PCDH18: variants seen among roughly 807,000 people sequenced by gnomAD.
PCDH18 encodes protocadherin-18.
In PCDH18, 38 loss-of-function variants were observed where a neutral mutation model predicts 71.5. That is an observed-to-expected ratio of 0.53 (90% confidence interval 0.41 to 0.70). The LOEUF is 0.70. Among genes scored for constraint, PCDH18 ranks in the 30% least tolerant of loss-of-function variants. The pLI is 0.00. For missense variants in PCDH18, 1,334 were observed against 1,384.6 expected, an observed-to-expected ratio of 0.96 and a Z score of 0.58; for synonymous variants, 565 against 505.4, an observed-to-expected ratio of 1.12 and a Z score of -1.58.
chr4:137,522,948 T>A (rs1731342988), intron 3 of PCDH18, among the ~76,000 whole-genome samples: 1 of 152,184 alleles, frequency 6.6e-6, no homozygotes, highest in South Asian at 2.1e-4. Flanking sequence ...GTAATGGTCT[T>A]TGATTGAAGG....
chr4:137,527,562 T>A (rs1258305651), intron 3 of PCDH18, among the ~76,000 whole-genome samples: 1 of 152,218 alleles, frequency 6.6e-6, no homozygotes, highest in African/African-American at 2.4e-5. Flanking sequence ...TAAACTCTCT[T>A]ACTTATCTGT....
At chr4:137,521,984 G>A (rs140508616) in intron 3 of PCDH18, among the ~76,000 whole-genome samples, 5 of 152,066 alleles carry the variant, frequency 3.3e-5, no homozygotes, top group African/African-American at 1.2e-4. Context: ...TAAAGTATAC[G>A]TGGGAAGAAC....
chr4:137,521,599 G>A lies in PCDH18; in HGVS notation c.2838C>T (p.Asn946=). The A allele has an allele frequency of 1.2e-6, 2 of 1,613,960 alleles. No homozygotes were observed. The highest frequency in any genetic ancestry group is 1.7e-6 in the Non-Finnish European group (2 of 1,179,992). ...LPSPSSDYRS[N]MFIPGEEFPT... ...GGAATTCTTCCCCTGGAATGAACATGTTACTCCTATAATCAGAAGACGGTG... is the reference window on the plus strand; with the variant it reads ...GGAATTCTTCCCCTGGAATGAACATATTACTCCTATAATCAGAAGACGGTG... The change falls in exon 4 of 4, where the codon AAC becomes AAT. Residue 946 remains asparagine, a synonymous_variant. Transcript: ENST00000344876.
rs561574503 is a variant in PCDH18 at position 137,525,115 on chromosome 4, T to A, written c.2740+3363A>T. On this transcript the variant is annotated intron_variant, in intron 3 of 3. Transcript: ENST00000344876. Reference sequence around the variant, plus strand: ...GGCTGTATAAATCATCCTGGTGAAGTGAATGCAATGGAAAATGGGGATTTT... The same window carrying A: ...GGCTGTATAAATCATCCTGGTGAAGAGAATGCAATGGAAAATGGGGATTTT... 1.6e-4 allele frequency among the ~76,000 whole-genome samples: 25 copies of A among 152,194 alleles called. No individual in the cohort carries two copies. In the South Asian group the frequency reaches 5.0e-3, roughly 30 times the overall value.
intron 3 of PCDH18, among the ~76,000 whole-genome samples, chr4:137,525,331 T>C (rs1578742500): frequency 6.6e-6 from 1 of 152,154 alleles, no homozygotes; most frequent in Non-Finnish European, 1.5e-5. Context: ...ACATAATCTA[T>C]ATTTGTTCAA....
In PCDH18 at chr4:137,531,363, G is replaced by A. The variant is rs2149216491; in HGVS notation, c.726C>T (p.Asn242=). 6.2e-7 allele frequency: 1 copy of A among 1,613,652 alleles called. No homozygotes were observed. The highest frequency in any genetic ancestry group is 8.5e-7 in the Non-Finnish European group (1 of 1,179,866). ...AAGATTGCTGCTCAAAAGCAGGGCT[G>A]TTGTCATTGGAGTCTGAAATGCTTA... ...LKISISDSND[N]SPAFEQQSYI... is the part of the protein sequence containing the mutation. Residue 242 remains asparagine (N), a synonymous_variant, in exon 1 of 4, where the codon AAC becomes AAT. Transcript: ENST00000344876.
Position 137,520,858 on chromosome 4 carries a change from C to A in PCDH18, c.*171G>T. The A allele has an allele frequency of 2.1e-6, 1 of 484,250 alleles. No individual in the cohort carries two copies. Among genetic ancestry groups the A allele is most frequent in the Non-Finnish European group, 3.6e-6 (1 of 275,446 alleles). 30.0% of individuals were successfully genotyped at this position (484,250 alleles called of 1,614,324 possible). A position where few individuals can be genotyped will look rare whatever the true frequency, so the allele number is the denominator to read the frequency against. On this transcript the variant is annotated 3_prime_UTR_variant, in exon 4 of 4. Coordinates refer to ENST00000344876, the MANE Select transcript of PCDH18 (RefSeq NM_019035.5). ...TTTTTAAAATACAGATTAAAATAAT[C>A]ACACTTGCATTGTGTACATACGAAA... is the stretch of plus-strand genomic sequence containing the variant.
At chr4:137,528,978 C>A in intron 1 of PCDH18, 158 bp from the exon 2 acceptor site, 1 of 616,428 alleles carries the variant, frequency 1.6e-6, no homozygotes, top group Non-Finnish European at 2.9e-6. Context: ...GCGGACCACG[C>A]AGCCAGCTAC....
chr4:137,525,812 C>T (rs1408292565), intron 3 of PCDH18, among the ~76,000 whole-genome samples: 1 of 152,148 alleles, frequency 6.6e-6, no homozygotes, highest in East Asian at 1.9e-4. Flanking sequence ...TCTCCAGCCA[C>T]ACCCATGGTT....
chr4:137,531,306 A>G lies in PCDH18; in HGVS notation c.783T>C (p.Val261=), dbSNP rs1731683689. Residue 261 remains valine (V), a synonymous_variant, in exon 1 of 4, where the codon GTT becomes GTC. Coordinates refer to ENST00000344876, the MANE Select transcript of PCDH18 (RefSeq NM_019035.5). ...YIIQLLENSP[V]GTLLLDLNAT... is the part of the protein sequence containing the mutation. ...CATTCAGATCTAAGAGCAAAGTGCC[A>G]ACCGGGGAGTTTTCTAAGAGTTGTA... 6.2e-7 allele frequency: 1 copy of G among 1,614,154 alleles called. No individual in the cohort carries two copies. The highest frequency in any genetic ancestry group is 8.5e-7 in the Non-Finnish European group (1 of 1,180,022).
Position 137,530,804 on chromosome 4 carries a change from A to C in PCDH18, c.1285T>G (p.Ser429Ala). Reference protein sequence around the residue: ...TNATLDREKRSEYSLTVIAED... With the variant: ...TNATLDREKRAEYSLTVIAED... Reference sequence around the variant, plus strand: ...GCGATTACAGTCAAACTATACTCAGATCTCTTTTCTCTATCCAGTGTGGCA... The same window carrying C: ...GCGATTACAGTCAAACTATACTCAGCTCTCTTTTCTCTATCCAGTGTGGCA... Residue 429 changes from serine (S) to alanine (A), a missense_variant, in exon 1 of 4, where the codon TCT becomes GCT. Physicochemically the swap from Ser to Ala is moderately conservative, Grantham distance 99. Transcript: ENST00000344876. 6.2e-7 allele frequency: 1 copy of C among 1,611,990 alleles called. No individual in the cohort carries two copies. The highest frequency in any genetic ancestry group is 1.3e-5 in the African/African-American group (1 of 74,982).
At chr4:137,522,928 A>G (rs747180672) in intron 3 of PCDH18, among the ~76,000 whole-genome samples, 33 of 152,170 alleles carry the variant, frequency 2.2e-4, no homozygotes, top group Admixed American at 6.6e-4. Context: ...GACTTTCTGA[A>G]AAAAAAGAAG....
chr4:137,531,799 A>T lies in PCDH18; in HGVS notation c.290T>A (p.Leu97Gln), dbSNP rs1272188965. Reference protein sequence around the residue: ...SIGATIDREQLCQKNLNCSIE... With the variant: ...SIGATIDREQQCQKNLNCSIE... Reference sequence around the variant, plus strand: ...GGAACAGTTCAAGTTTTTCTGGCACAGTTGTTCACGGTCAATTGTAGCCCC... The same window carrying T: ...GGAACAGTTCAAGTTTTTCTGGCACTGTTGTTCACGGTCAATTGTAGCCCC... The change falls in exon 1 of 4, where the codon CTG becomes CAG. Residue 97 changes from leucine (L) to glutamine (Q), a missense_variant. By Grantham distance (113) the Leu-to-Gln change is moderately radical. Coordinates refer to ENST00000344876, the MANE Select transcript of PCDH18 (RefSeq NM_019035.5). 1.2e-6 allele frequency: 2 copies of T among 1,614,088 alleles called. No individual in the cohort carries two copies. The highest frequency in any genetic ancestry group is 2.7e-5 in the African/African-American group (2 of 74,926).
In PCDH18 at chr4:137,531,684, G is replaced by C; in HGVS notation, c.405C>G (p.Pro135=). The part of the protein sequence containing the change: ...VEVLDINDNS[P]QFSRSLIPIE... ...TAGGTATGAGAGATCTTGAAAACTG[G>C]GGAGAATTGTCATTAATATCCAGCA... Residue 135 remains proline (P), a synonymous_variant, in exon 1 of 4, where the codon CCC becomes CCG. Coordinates refer to ENST00000344876, the MANE Select transcript of PCDH18 (RefSeq NM_019035.5). The C allele has an allele frequency of 6.2e-7, 1 of 1,614,114 alleles. No individual in the cohort carries two copies. Among genetic ancestry groups the C allele is most frequent in the Non-Finnish European group, 8.5e-7 (1 of 1,179,998 alleles).
rs1731686265 is a variant in PCDH18 at position 137,531,374 on chromosome 4, A to T, written c.715T>A (p.Ser239Thr). Residue 239 changes from serine (S) to threonine (T), a missense_variant, in exon 1 of 4, where the codon TCC becomes ACC. Transcript: ENST00000344876. ...TCAAAAGCAGGGCTGTTGTCATTGG[A>T]GTCTGAAATGCTTATTTTTAGTATG... is the stretch of plus-strand genomic sequence containing the variant. ...SSILKISISD[S>T]NDNSPAFEQQ... is the part of the protein sequence containing the mutation. 2 of 1,613,382 alleles carry T rather than the reference A, an allele frequency of 1.2e-6. No homozygotes were observed. The highest frequency in any genetic ancestry group is 4.5e-5 in the East Asian group (2 of 44,854).
chr4:137,524,101 A>T (rs1025844732), intron 3 of PCDH18, among the ~76,000 whole-genome samples: 8 of 152,124 alleles, frequency 5.3e-5, no homozygotes, highest in Non-Finnish European at 7.4e-5. Context: ...CCCAGTTAGC[A>T]GGGCTTGTTG....
chr4:137,531,094 T>C lies in PCDH18; in HGVS notation c.995A>G (p.Asn332Ser), dbSNP rs775658079. 2 of 1,613,716 alleles carry C rather than the reference T, an allele frequency of 1.2e-6. No individual in the cohort carries two copies. The highest frequency in any genetic ancestry group is 8.5e-7 in the Non-Finnish European group (1 of 1,179,746). Residue 332 changes from asparagine to serine, a missense_variant, in exon 1 of 4, where the codon AAT becomes AGT. Physicochemically the swap from Asn to Ser is conservative, Grantham distance 46. Transcript: ENST00000344876. ...AATTTTGCAATGGGCTGGGATTGAA[T>C]TTGGACCCAAATCTTGAGCCTGAAC... ...IDVQAQDLGP[N>S]SIPAHCKIII...
In PCDH18 at chr4:137,526,579, C is replaced by A. The variant is rs137996977; in HGVS notation, c.2740+1899G>T. The stretch of plus-strand genomic sequence containing the variant: ...TTCAAATTGGTCAAGAAAGTCTATG[C>A]ATTAAAAACAAAAACAAAAAACAGA... On this transcript the variant is annotated intron_variant, in intron 3 of 3. Coordinates refer to ENST00000344876, the MANE Select transcript of PCDH18 (RefSeq NM_019035.5). Among the ~76,000 whole-genome samples, 134 of 152,060 alleles carry A rather than the reference C, an allele frequency of 8.8e-4. No individual in the cohort carries two copies. In the East Asian group the frequency reaches 0.015, roughly 17 times the overall value.
chr4:137,527,947 T>G (rs1214660548), intron 3 of PCDH18, among the ~76,000 whole-genome samples: 1 of 152,188 alleles, frequency 6.6e-6, no homozygotes, highest in Non-Finnish European at 1.5e-5. Context: ...ATTCTGTGCT[T>G]ACCACCTACA....
Sources: allele counts gnomAD v4.1 joint callset (sites outside exome capture counted in the v4.1 genomes callset), GRCh38; gene constraint gnomAD v4.1.1; transcripts MANE v1.5; gene names NCBI Gene and HGNC (gene_info 2026-07-23, HGNC 2026-07-21).